NUBPL: variants seen among roughly 807,000 people sequenced by gnomAD.
The protein encoded by NUBPL is NUBP iron-sulfur cluster assembly factor, mitochondrial, also known as iron-sulfur cluster transfer protein NUBPL.
In NUBPL, 31 loss-of-function variants were observed where a neutral mutation model predicts 45.7. The observed-to-expected ratio is 0.68, with a 90% CI of 0.51 to 0.92. NUBPL has a LOEUF of 0.92. Ranked by LOEUF, NUBPL falls within the 40% of genes least tolerant of loss-of-function variation. NUBPL has a pLI of 0.00. For missense variants in NUBPL, 401 were observed against 398.7 expected (o/e 1.01, Z -0.05); for synonymous variants, 144 against 140.9 (o/e 1.02, Z -0.15).
chr14:31,578,468 T>G (rs890648094), intron 3 of NUBPL, among the ~76,000 whole-genome samples: 8 of 152,352 alleles, frequency 5.3e-5, no homozygotes, highest in Non-Finnish European at 7.4e-5. Context: ...TTTTGGCAAT[T>G]GCACTATGTG....
At chr14:31,639,700 G>T (rs1012275957) in intron 4 of NUBPL, among the ~76,000 whole-genome samples, 1 of 152,186 alleles carries the variant, frequency 6.6e-6, no homozygotes, top group Non-Finnish European at 1.5e-5. Context: ...AGCCTACAGA[G>T]GCAGGCAGGC....
At chr14:31,644,902 CTTGT>C (rs2035801951) in intron 4 of NUBPL, among the ~76,000 whole-genome samples, 1 of 151,742 alleles carries the variant, frequency 6.6e-6, no homozygotes, top group Non-Finnish European at 1.5e-5. Flanking sequence ...ATTGAATGAC[CTTGT>C]TTGTTCTTTT....
intron 4 of NUBPL, among the ~76,000 whole-genome samples, chr14:31,609,222 G>C (rs1162422768): frequency 2.0e-5 from 3 of 152,068 alleles, no homozygotes; most frequent in African/African-American, 4.8e-5. Flanking sequence ...AAATAAAGGG[G>C]TATAAAAGAT....
chr14:31,654,659 T>C (rs1029573095), intron 4 of NUBPL, among the ~76,000 whole-genome samples: 4 of 152,138 alleles, frequency 2.6e-5, no homozygotes, highest in Non-Finnish European at 5.9e-5. Flanking sequence ...TCTACCCACC[T>C]CGGCCTCCCA....
intron 4 of NUBPL, among the ~76,000 whole-genome samples, chr14:31,620,713 T>G (rs1238357116): frequency 6.6e-6 from 1 of 152,190 alleles, no homozygotes; most frequent in Non-Finnish European, 1.5e-5. Flanking sequence ...ATGAGGTGTC[T>G]GTTGGCCCCT....
At chr14:31,631,978 G>C (rs2035356796) in intron 4 of NUBPL, among the ~76,000 whole-genome samples, 1 of 152,022 alleles carries the variant, frequency 6.6e-6, no homozygotes, top group Non-Finnish European at 1.5e-5. Flanking sequence ...AAACTCTTAG[G>C]GTTGCCCTTC....
rs146480089 is a variant in NUBPL, at chr14:31,805,084, A to G, written c.607+17211A>G. ...ATCTATTTACAAGACAAAAAAAAAC[A>G]TTAAAAAGTGGGCAAAGGACACGAA... is the stretch of plus-strand genomic sequence containing the variant. On this transcript the variant is annotated intron_variant, in intron 7 of 10. Transcript: ENST00000281081. Among the ~76,000 whole-genome samples the G allele has an allele frequency of 1.6e-3, 234 of 150,474 alleles. 1 individual carries two copies. The highest frequency in any genetic ancestry group is 5.4e-3 in the African/African-American group (225 of 41,408).
At chr14:31,705,797 G>A (rs2037436993) in intron 6 of NUBPL, among the ~76,000 whole-genome samples, 1 of 152,180 alleles carries the variant, frequency 6.6e-6, no homozygotes, top group Non-Finnish European at 1.5e-5. Flanking sequence ...CAGTCGCCGT[G>A]GGACTTTGCA....
intron 2 of NUBPL, among the ~76,000 whole-genome samples, chr14:31,563,310 T>C (rs2033349425): frequency 6.6e-6 from 1 of 152,242 alleles, no homozygotes; most frequent in Non-Finnish European, 1.5e-5. Context: ...TGTAATTTGT[T>C]GGGTCTGTAG....
At chr14:31,574,582 CTTTTTTTTTTTT>C (rs71115022) in intron 3 of NUBPL, among the ~76,000 whole-genome samples, 47 of 66,950 alleles carry the variant, frequency 7.0e-4, no homozygotes, top group South Asian at 1.7e-3. Flanking sequence ...TTCTTTCCTT[CTTTTTTTTTTTT>C]TTTTTTTTTT....
chr14:31,785,896 T>C (rs1345628169), intron 6 of NUBPL, among the ~76,000 whole-genome samples: 1 of 152,158 alleles, frequency 6.6e-6, no homozygotes, highest in African/African-American at 2.4e-5. Flanking sequence ...CGGTGACTCA[T>C]GCCTGTAATC....
chr14:31,850,087 G>A, intron 9 of NUBPL, 32 bp from the exon 10 acceptor site: 1 of 1,544,980 alleles, frequency 6.5e-7, no homozygotes, highest in Non-Finnish European at 9.0e-7. Flanking sequence ...GAACTTTTCT[G>A]GTTCTAATGG....
intron 6 of NUBPL, among the ~76,000 whole-genome samples, chr14:31,685,728 T>C: frequency 6.6e-6 from 1 of 152,170 alleles, no homozygotes; most frequent in Non-Finnish European, 1.5e-5. Flanking sequence ...AGTAATCCCA[T>C]CCTACCTGAC....
chr14:31,591,885 A>C (rs1327245856), intron 3 of NUBPL, among the ~76,000 whole-genome samples: 1 of 152,180 alleles, frequency 6.6e-6, no homozygotes, highest in African/African-American at 2.4e-5. Context: ...CCATTTATTC[A>C]ACAAATATTG....
At chr14:31,755,725 G>T (rs895188195) in intron 6 of NUBPL, among the ~76,000 whole-genome samples, 3 of 151,900 alleles carry the variant, frequency 2.0e-5, no homozygotes, top group African/African-American at 2.4e-5. Flanking sequence ...TGTCAATTTT[G>T]GCTTTTGTTG....
At chr14:31,750,368 T>G (rs1413526692) in intron 6 of NUBPL, among the ~76,000 whole-genome samples, 23 of 149,144 alleles carry the variant, frequency 1.5e-4, no homozygotes, top group African/African-American at 5.6e-4. Context: ...TAATTTTTAT[T>G]TTTTTTATTT....
intron 6 of NUBPL, among the ~76,000 whole-genome samples, chr14:31,698,703 C>G (rs2037267815): frequency 6.6e-6 from 1 of 152,002 alleles, no homozygotes; most frequent in Non-Finnish European, 1.5e-5. Context: ...TTTTTTAAGC[C>G]AGTGCTATGT....
intron 8 of NUBPL, among the ~76,000 whole-genome samples, chr14:31,841,866 A>G (rs921370112): frequency 4.1e-5 from 5 of 123,076 alleles, no homozygotes; most frequent in Admixed American, 1.9e-4. Context: ...ATGCAGTACT[A>G]TGTTGTCTCC....
Position 31,599,291 on chromosome 14 carries a change from C to G in NUBPL, c.294C>G (p.Ser98=). ...TATTTTTATTTATTTTTTTACAGTCCAAGGCCATTGGTTTGCTAGATGTGG... is the reference window on the plus strand; with the variant it reads ...TATTTTTATTTATTTTTTTACAGTCGAAGGCCATTGGTTTGCTAGATGTGG... The part of the protein sequence containing the change: ...LALALAANDS[S]KAIGLLDVDV... The change falls in exon 4 of 11, where the codon TCC becomes TCG. Residue 98 remains serine, a splice_region_variant and synonymous_variant. Coordinates refer to ENST00000281081, the MANE Select transcript of NUBPL (RefSeq NM_025152.3). The G allele has an allele frequency of 6.2e-7, 1 of 1,606,214 alleles. No homozygotes were observed. Among genetic ancestry groups the G allele is most frequent in the Non-Finnish European group, 8.5e-7 (1 of 1,173,720 alleles).
Sources: gnomAD v4.1 joint callset for allele counts (sites outside exome capture counted in the v4.1 genomes callset) on GRCh38, gnomAD v4.1.1 for gene constraint, MANE v1.5 for transcripts, NCBI Gene and HGNC (gene_info 2026-07-23, HGNC 2026-07-21) for gene names.